CSMD1: variants seen among roughly 807,000 people sequenced by gnomAD.
CSMD1 encodes the protein CUB and Sushi multiple domains 1, also known as CUB and sushi domain-containing protein 1.
In CSMD1, 213 loss-of-function variants were observed where a neutral mutation model predicts 417.5. The ratio of observed to expected loss-of-function variants is 0.51; its 90% CI spans 0.46 to 0.57. The LOEUF (loss-of-function observed/expected upper bound fraction) is 0.57, where lower values mean the gene tolerates loss of function less well. CSMD1 is among the 20% of genes least tolerant of loss of function. The pLI is 0.00. For synonymous variants in CSMD1, 2,862 were observed against 1,736.8 expected (o/e 1.65, Z -16.11); for missense variants, 6,923 against 4,529.7 (o/e 1.53, Z -15.17).
chr8:3,264,415 T>C (rs1801289065), intron 26 of CSMD1, among the ~76,000 whole-genome samples: 3 of 152,144 alleles, frequency 2.0e-5, no homozygotes, highest in Admixed American at 2.0e-4. Flanking sequence ...GCTATGTGCC[T>C]TTTTGCCACA....
chr8:4,174,110 G>C (rs1481353178), intron 3 of CSMD1, among the ~76,000 whole-genome samples: 3 of 152,116 alleles, frequency 2.0e-5, no homozygotes, highest in Non-Finnish European at 4.4e-5. Flanking sequence ...CAGAGTGGAG[G>C]GTAGGGCAAG....
intron 1 of CSMD1, among the ~76,000 whole-genome samples, chr8:4,858,589 T>A (rs1258314561): frequency 1.3e-5 from 2 of 152,068 alleles, no homozygotes; most frequent in Non-Finnish European, 2.9e-5. Flanking sequence ...AAATCAATGT[T>A]CAAAAATCAC....
chr8:4,912,856 G>C (rs1209251994), intron 1 of CSMD1, among the ~76,000 whole-genome samples: 2 of 152,008 alleles, frequency 1.3e-5, no homozygotes, highest in Non-Finnish European at 2.9e-5. Flanking sequence ...TGCAACCTTG[G>C]CTTACTACAA....
At chr8:3,337,024 A>G (rs1027226842) in intron 23 of CSMD1, among the ~76,000 whole-genome samples, 1 of 152,068 alleles carries the variant, frequency 6.6e-6, no homozygotes, top group Non-Finnish European at 1.5e-5. Context: ...TGTCCTGTGA[A>G]CTGTAACTTT....
chr8:4,014,721 G>A (rs938830698), intron 4 of CSMD1, among the ~76,000 whole-genome samples: 5 of 152,152 alleles, frequency 3.3e-5, no homozygotes, highest in Admixed American at 3.3e-4. Flanking sequence ...AGTCCTTGCT[G>A]GTAAACACTT....
chr8:4,767,061 A>C (rs534417661), intron 1 of CSMD1, among the ~76,000 whole-genome samples: 2 of 152,330 alleles, frequency 1.3e-5, no homozygotes, highest in East Asian at 3.9e-4. Flanking sequence ...ATACTGCTTT[A>C]TAATGTTATC....
intron 3 of CSMD1, among the ~76,000 whole-genome samples, chr8:4,177,401 T>C (rs1798114219): frequency 6.6e-6 from 1 of 151,542 alleles, no homozygotes; most frequent in African/African-American, 2.4e-5. Context: ...AGACACAACA[T>C]ACCAGAATCT....
At chr8:3,878,901 A>G (rs1412580018) in intron 5 of CSMD1, among the ~76,000 whole-genome samples, 1 of 152,246 alleles carries the variant, frequency 6.6e-6, no homozygotes, top group African/African-American at 2.4e-5. Context: ...ATCACAAGTT[A>G]TATGAAGTCT....
At chr8:3,169,081 C>G (rs1016821894) in intron 37 of CSMD1, among the ~76,000 whole-genome samples, 4 of 152,190 alleles carry the variant, frequency 2.6e-5, no homozygotes, top group Non-Finnish European at 4.4e-5. Flanking sequence ...CACCAACAAC[C>G]TGGACCAGTA....
At chr8:3,731,078 CT>C (rs1352680419) in intron 6 of CSMD1, among the ~76,000 whole-genome samples, 6 of 152,190 alleles carry the variant, frequency 3.9e-5, no homozygotes, top group Non-Finnish European at 7.3e-5. Context: ...TCCTTATACA[CT>C]TTCTTCCCAA....
chr8:3,796,502 GATAT>G (rs1254337995), intron 5 of CSMD1, among the ~76,000 whole-genome samples: 35 of 139,634 alleles, frequency 2.5e-4, no homozygotes, highest in African/African-American at 8.9e-4. Context: ...TATAGATATA[GATAT>G]ATATATCTAT....
At chr8:4,272,608 G>A (rs1341058166) in intron 3 of CSMD1, among the ~76,000 whole-genome samples, 1 of 152,096 alleles carries the variant, frequency 6.6e-6, no homozygotes, top group Non-Finnish European at 1.5e-5. Flanking sequence ...GCTTTTATGT[G>A]CCTGTTTTTG....
rs779181357 is a variant in CSMD1, at chr8:4,787,426, G to C, written c.86-149868C>G. 12 of 754,296 alleles carry C rather than the reference G, an allele frequency of 1.6e-5. No individual in the cohort carries two copies. The East Asian group carries it at 2.8e-4, about 18-fold the overall frequency. The allele number at this position is 754,296 out of a possible 1,614,324, so 46.7% of individuals were successfully genotyped here. A position where few individuals can be genotyped will look rare whatever the true frequency, so the allele number is the denominator to read the frequency against. ...AAGTCCTCCTGCAGTCCAAGGACAAGATTACAGCAGGAAATGTAGCTAGAA... is the reference window on the plus strand; with the variant it reads ...AAGTCCTCCTGCAGTCCAAGGACAACATTACAGCAGGAAATGTAGCTAGAA... On this transcript the variant is annotated intron_variant, in intron 1 of 69. Coordinates refer to ENST00000635120, the MANE Select transcript of CSMD1 (RefSeq NM_033225.6).
At chr8:4,191,156 G>A (rs1422353258) in intron 3 of CSMD1, among the ~76,000 whole-genome samples, 1 of 152,146 alleles carries the variant, frequency 6.6e-6, no homozygotes, top group African/African-American at 2.4e-5. Context: ...CAGCACTTTG[G>A]GAGGCCGAGG....
rs866764262 is a variant in CSMD1 at position 3,291,700 on chromosome 8, A to T, written c.3951-7354T>A. On this transcript the variant is annotated intron_variant, in intron 25 of 69. Coordinates refer to ENST00000635120, the MANE Select transcript of CSMD1 (RefSeq NM_033225.6). ...ACCTTTATCATTTTTTATTATGTCT[A>T]TTTGATTCTTCTCTCTTTTCTTCTT... 7.3e-5 allele frequency among the ~76,000 whole-genome samples: 11 copies of T among 151,506 alleles called. No homozygotes were observed. The South Asian group carries it at 2.3e-3, about 32-fold the overall frequency.
chr8:3,089,856 C>A (rs1814812444), intron 48 of CSMD1, among the ~76,000 whole-genome samples: 1 of 152,096 alleles, frequency 6.6e-6, no homozygotes, highest in African/African-American at 2.4e-5. Flanking sequence ...AAATAAAATA[C>A]CTTTTGAAAG....
chr8:3,290,757 C>G (rs958769315), intron 25 of CSMD1, among the ~76,000 whole-genome samples: 1 of 146,814 alleles, frequency 6.8e-6, no homozygotes, highest in Non-Finnish European at 1.5e-5. Flanking sequence ...GATATACAAT[C>G]ATGTCATCTG....
At chr8:3,213,307 T>C (rs1563148650) in intron 30 of CSMD1, among the ~76,000 whole-genome samples, 2 of 152,190 alleles carry the variant, frequency 1.3e-5, no homozygotes, top group Admixed American at 6.5e-5. Flanking sequence ...TACCTCATTC[T>C]TCTTCTTTTT....
chr8:2,998,916 C>G (rs758524024), intron 53 of CSMD1, among the ~76,000 whole-genome samples: 2 of 152,140 alleles, frequency 1.3e-5, no homozygotes, highest in Non-Finnish European at 2.9e-5. Context: ...GAACTTTGTA[C>G]ATTTTTCACA....
Sources: gnomAD v4.1 joint callset for allele counts (sites outside exome capture counted in the v4.1 genomes callset) on GRCh38, gnomAD v4.1.1 for gene constraint, MANE v1.5 for transcripts, NCBI Gene and HGNC (gene_info 2026-07-23, HGNC 2026-07-21) for gene names.